SLC8A1: variants seen among roughly 807,000 people sequenced by gnomAD.
SLC8A1 encodes the protein solute carrier family 8 member A1.
A neutral mutation model predicts 68.3 loss-of-function variants in SLC8A1; 18 were observed. The observed-to-expected ratio is 0.26, with a 90% CI of 0.18 to 0.39. The LOEUF is 0.39. Ranked by LOEUF, SLC8A1 falls within the 10% of genes least tolerant of loss-of-function variation. The pLI is 1.00. For synonymous variants in SLC8A1, 475 were observed against 415.5 expected (o/e 1.14, Z -1.74); for missense variants, 985 against 1,156.7 (o/e 0.85, Z 2.15).
chr2:40,124,705 G>T (rs1250794352), intron 7 of SLC8A1, among the ~76,000 whole-genome samples: 1 of 152,152 alleles, frequency 6.6e-6, no homozygotes, highest in Non-Finnish European at 1.5e-5. Flanking sequence ...ATTTATATCA[G>T]GGATTGGAGC....
At chr2:40,251,950 G>A (rs2062824121) in intron 2 of SLC8A1, among the ~76,000 whole-genome samples, 1 of 152,086 alleles carries the variant, frequency 6.6e-6, no homozygotes, top group Non-Finnish European at 1.5e-5. Flanking sequence ...TGTTTAGAGT[G>A]TATAATACCA....
chr2:40,186,745 G>C (rs895757650), intron 2 of SLC8A1, among the ~76,000 whole-genome samples: 4 of 152,078 alleles, frequency 2.6e-5, no homozygotes, highest in African/African-American at 7.2e-5. Context: ...CAAGGTATTT[G>C]GGTCACTTCT....
intron 6 of SLC8A1, among the ~76,000 whole-genome samples, chr2:40,160,472 C>A (rs753873313): frequency 6.6e-6 from 1 of 152,038 alleles, no homozygotes. Flanking sequence ...CAGACAAAGC[C>A]TAGTGATTGG....
chr2:40,400,044 T>C (rs535306497), intron 2 of SLC8A1, among the ~76,000 whole-genome samples: 68 of 152,164 alleles, frequency 4.5e-4, no homozygotes, highest in Non-Finnish European at 8.5e-4. Flanking sequence ...TAATTAACAG[T>C]GCATGCAGCC....
intron 2 of SLC8A1, among the ~76,000 whole-genome samples, chr2:40,295,732 G>C (rs1266085069): frequency 6.6e-6 from 1 of 152,166 alleles, no homozygotes; most frequent in Non-Finnish European, 1.5e-5. Flanking sequence ...GTGATTGAAA[G>C]ATTATGAATC....
At chr2:40,480,478 C>T (rs1012956693) in intron 1 of SLC8A1, among the ~76,000 whole-genome samples, 7 of 152,142 alleles carry the variant, frequency 4.6e-5, no homozygotes, top group Non-Finnish European at 7.3e-5. Flanking sequence ...TCATCAGATA[C>T]GGAGTTTGCT....
intron 2 of SLC8A1, among the ~76,000 whole-genome samples, chr2:40,382,771 A>T (rs77231902): frequency 0.015 from 2,357 of 152,216 alleles, 58 homozygotes; most frequent in African/African-American, 0.053. Context: ...CTACTAAAAT[A>T]GAAGTGAGTA....
chr2:40,212,029 C>CA (rs1240256995), intron 2 of SLC8A1, among the ~76,000 whole-genome samples: 1 of 152,106 alleles, frequency 6.6e-6, no homozygotes, highest in Non-Finnish European at 1.5e-5. Context: ...AAAACATTTT[C>CA]AATTGTTCAT....
At chr2:40,491,648 C>A (rs763390173) in intron 1 of SLC8A1, among the ~76,000 whole-genome samples, 1 of 151,988 alleles carries the variant, frequency 6.6e-6, no homozygotes, top group Admixed American at 6.6e-5. Flanking sequence ...TACTGAGATA[C>A]GTCCCATCAA....
At chr2:40,212,282 T>TG (rs66950674) in intron 2 of SLC8A1, among the ~76,000 whole-genome samples, 14 of 22,418 alleles carry the variant, frequency 6.2e-4, no homozygotes, top group African/African-American at 1.3e-3. Context: ...AGATGCAATA[T>TG]CTTTTTTTTT....
intron 2 of SLC8A1, among the ~76,000 whole-genome samples, chr2:40,289,562 A>G (rs1298708888): frequency 6.6e-6 from 1 of 152,124 alleles, no homozygotes; most frequent in Non-Finnish European, 1.5e-5. Context: ...TTAAAAAAAG[A>G]GGAAACAGCC....
At chr2:40,421,897 C>T (rs531617628) in intron 2 of SLC8A1, among the ~76,000 whole-genome samples, 1 of 152,274 alleles carries the variant, frequency 6.6e-6, no homozygotes, top group African/African-American at 2.4e-5. Flanking sequence ...GGCAGCATGT[C>T]GAGCCAGGAG....
chr2:40,430,304 A>T, exon 2 of SLC8A1: 1 of 1,578,904 alleles, frequency 6.3e-7, no homozygotes, highest in Non-Finnish European at 8.6e-7. Flanking sequence ...GTCACAACCT[A>T]CTGGTAAAAA....
At chr2:40,107,886 A>T (rs987487523) in exon 8 of SLC8A1, 74 of 152,318 alleles carry the variant, frequency 4.9e-4, no homozygotes, top group African/African-American at 1.8e-3. Flanking sequence ...AATATTTTTT[A>T]AAAATTTTTC....
chr2:40,509,607 G>A (rs997859373), intron 1 of SLC8A1, among the ~76,000 whole-genome samples: 1 of 151,406 alleles, frequency 6.6e-6, no homozygotes, highest in Non-Finnish European at 1.5e-5. Flanking sequence ...CTTCCCCATC[G>A]AATCCTCTAA....
chr2:40,106,293 C>T (rs780814436), exon 8 of SLC8A1: 1 of 152,184 alleles, frequency 6.6e-6, no homozygotes, highest in Non-Finnish European at 1.5e-5. Flanking sequence ...AATACCAGCA[C>T]TTTGGGAAGC....
chr2:40,421,280 G>A (rs774075873), intron 2 of SLC8A1, among the ~76,000 whole-genome samples: 6 of 152,082 alleles, frequency 3.9e-5, no homozygotes, highest in Non-Finnish European at 8.8e-5. Flanking sequence ...TCATTTTACA[G>A]GTGAGAAAGT....
intron 2 of SLC8A1, among the ~76,000 whole-genome samples, chr2:40,344,663 C>T (rs1444577856): frequency 1.3e-5 from 2 of 152,184 alleles, no homozygotes; most frequent in Middle Eastern, 3.2e-3. Flanking sequence ...AAAAAATTCA[C>T]AGAGCTTCAG....
chr2:40,383,424 G>A (rs1682557474), intron 2 of SLC8A1, among the ~76,000 whole-genome samples: 1 of 152,010 alleles, frequency 6.6e-6, no homozygotes, highest in African/African-American at 2.4e-5. Context: ...AAGACATTTG[G>A]TGACTGTCAT....
Sources: allele counts gnomAD v4.1 joint callset (sites outside exome capture counted in the v4.1 genomes callset), GRCh38; gene constraint gnomAD v4.1.1; transcripts MANE v1.5; gene names NCBI Gene and HGNC (gene_info 2026-07-23, HGNC 2026-07-21).